Variants in KIF26B observed in about 807,000 individuals in gnomAD.
The protein encoded by KIF26B is kinesin-like protein KIF26B.
Under a neutral mutation model 151.2 loss-of-function variants are expected in KIF26B, and 63 were observed. The observed-to-expected ratio is 0.42, with a 90% CI of 0.34 to 0.51. The LOEUF (loss-of-function observed/expected upper bound fraction) is 0.51, where lower values mean the gene tolerates loss of function less well. KIF26B is among the 20% of genes least tolerant of loss of function. KIF26B has a pLI of 0.07. For missense variants in KIF26B, 2,813 were observed against 2,913.6 expected, an observed-to-expected ratio of 0.97 and a Z score of 0.79; for synonymous variants, 1,357 against 1,262.1, an observed-to-expected ratio of 1.08 and a Z score of -1.59.
In KIF26B at chr1:245,688,891, C is replaced by T. The variant is rs2044581940; in HGVS notation, c.5824+84C>T. 4 of 1,451,350 alleles carry T rather than the reference C, an allele frequency of 2.8e-6. No individual in the cohort carries two copies. The East Asian group carries it at 7.6e-5, about 28-fold the overall frequency. 89.9% of individuals were successfully genotyped at this position (1,451,350 alleles called of 1,614,324 possible). On this transcript the variant is annotated intron_variant, in intron 12 of 14. Coordinates refer to ENST00000407071, the MANE Select transcript of KIF26B (RefSeq NM_018012.4). ...AACCCCACTGCCAGGGTGTCCCGTGCCCTGGGGAGGGGGCGTCCAGGCCTG... is the reference window on the plus strand; with the variant it reads ...AACCCCACTGCCAGGGTGTCCCGTGTCCTGGGGAGGGGGCGTCCAGGCCTG...
chr1:245,675,546 T>C (rs1385485742), intron 10 of KIF26B, among the ~76,000 whole-genome samples: 6 of 152,130 alleles, frequency 3.9e-5, no homozygotes, highest in Non-Finnish European at 1.5e-5. Context: ...AAAGGTCAAA[T>C]TTTTTACTAC....
intron 2 of KIF26B, among the ~76,000 whole-genome samples, chr1:245,163,583 T>C (rs1408734706): frequency 2.0e-5 from 3 of 152,220 alleles, no homozygotes; most frequent in Non-Finnish European, 4.4e-5. Flanking sequence ...CCGTGTTGAA[T>C]GTATACATTA....
chr1:245,226,458 C>CT (rs11438800), intron 2 of KIF26B, among the ~76,000 whole-genome samples: 1,589 of 145,316 alleles, frequency 0.011, 17 homozygotes, highest in African/African-American at 0.036. Context: ...GGGTGCACCT[C>CT]TTTTTTTTTT....
intron 9 of KIF26B, among the ~76,000 whole-genome samples, chr1:245,631,669 G>C (rs1195972077): frequency 1.3e-5 from 2 of 152,148 alleles, no homozygotes; most frequent in Admixed American, 6.5e-5. Flanking sequence ...AGAAGAATTG[G>C]TTTTACTTTA....
intron 3 of KIF26B, among the ~76,000 whole-genome samples, chr1:245,398,967 G>C (rs1275296864): frequency 2.0e-5 from 3 of 152,026 alleles, no homozygotes; most frequent in Non-Finnish European, 4.4e-5. Flanking sequence ...CATATTTCCT[G>C]GGAAATGAGA....
In KIF26B at chr1:245,572,529, C is replaced by T. The variant is rs576765774; in HGVS notation, c.1351-30048C>T. ...GCCATCACTGACCTCAGGACCCTCCCGGTGAACACTCAGTTAAAATTCCTA... is the reference window on the plus strand; with the variant it reads ...GCCATCACTGACCTCAGGACCCTCCTGGTGAACACTCAGTTAAAATTCCTA... On this transcript the variant is annotated intron_variant, in intron 5 of 14. Coordinates refer to ENST00000407071, the MANE Select transcript of KIF26B (RefSeq NM_018012.4). The surrounding 1 kb of genome is among the most constrained non-coding windows in gnomAD (Gnocchi z 4.2). 7.9e-5 allele frequency among the ~76,000 whole-genome samples: 12 copies of T among 152,098 alleles called. No individual in the cohort carries two copies. Among genetic ancestry groups the T allele is most frequent in the African/African-American group, 1.9e-4 (8 of 41,482 alleles).
intron 3 of KIF26B, among the ~76,000 whole-genome samples, chr1:245,376,302 G>A (rs1673271418): frequency 6.6e-6 from 1 of 152,154 alleles, no homozygotes; most frequent in African/African-American, 2.4e-5. Flanking sequence ...CTGGTATCAC[G>A]TTTTATCTGG....
rs746211134 is a variant in KIF26B at position 245,367,334 on chromosome 1, G to A, written c.966G>A (p.Ser322=). ...HQYLDGTWSL[S]RTNGVTLYPY... Reference sequence around the variant, plus strand: ...ACCTGGATGGCACCTGGTCCCTGTCGAGAACCAACGGGGTCACCCTGTACC... The same window carrying A: ...ACCTGGATGGCACCTGGTCCCTGTCAAGAACCAACGGGGTCACCCTGTACC... Residue 322 remains serine (S), a synonymous_variant, in exon 3 of 15, where the codon TCG becomes TCA. Coordinates refer to ENST00000407071, the MANE Select transcript of KIF26B (RefSeq NM_018012.4). This position sits in a 1 kb window ranked among gnomAD's most constrained non-coding sequence, Gnocchi z 4.2. 4 of 1,594,380 alleles carry A rather than the reference G, an allele frequency of 2.5e-6. No homozygotes were observed. Among genetic ancestry groups the A allele is most frequent in the East Asian group, 2.3e-5 (1 of 43,818 alleles).
intron 4 of KIF26B, among the ~76,000 whole-genome samples, chr1:245,429,455 T>G (rs1418780126): frequency 6.6e-6 from 1 of 152,200 alleles, no homozygotes; most frequent in Non-Finnish European, 1.5e-5. Flanking sequence ...CAATTCGCCC[T>G]TAAATCTCAC....
chr1:245,255,857 A>G (rs1670523955), intron 2 of KIF26B, among the ~76,000 whole-genome samples: 1 of 152,196 alleles, frequency 6.6e-6, no homozygotes, highest in South Asian at 2.1e-4. Context: ...CCCAGAGAGT[A>G]GCAATTTCTA....
Position 245,687,918 on chromosome 1 carries a change from G to T in KIF26B, c.4935G>T (p.Thr1645=). 1 of 1,593,842 alleles carries T rather than the reference G, an allele frequency of 6.3e-7. No homozygotes were observed. The highest frequency in any genetic ancestry group is 2.3e-5 in the East Asian group (1 of 43,638). Residue 1645 remains threonine (T), a synonymous_variant, in exon 12 of 15, where the codon ACG becomes ACT. Transcript: ENST00000407071. The surrounding 1 kb of genome is among the most constrained non-coding windows in gnomAD (Gnocchi z 4.9). Reference sequence around the variant, plus strand: ...TCCCAGACGAGCCTAGCGGCAAGACGAAGGACGCCAGCAGCAGCAGCAAGC... The same window carrying T: ...TCCCAGACGAGCCTAGCGGCAAGACTAAGGACGCCAGCAGCAGCAGCAAGC... ...AGLPDEPSGK[T]KDASSSSKLF... is the part of the protein sequence containing the mutation.
intron 2 of KIF26B, among the ~76,000 whole-genome samples, chr1:245,157,030 AC>A (rs1668450443): frequency 8.2e-6 from 1 of 121,316 alleles, no homozygotes; most frequent in African/African-American, 3.2e-5. Flanking sequence ...GTTTCTCCCC[AC>A]CCCCACCTGT....
chr1:245,552,155 G>A (rs946985563), intron 5 of KIF26B, among the ~76,000 whole-genome samples: 2 of 151,408 alleles, frequency 1.3e-5, no homozygotes, highest in African/African-American at 2.4e-5. Context: ...GTGTGTGTGT[G>A]TGTGTGTGTG....
intron 2 of KIF26B, among the ~76,000 whole-genome samples, chr1:245,251,677 G>T (rs1437525890): frequency 1.3e-5 from 2 of 152,094 alleles, no homozygotes; most frequent in Non-Finnish European, 2.9e-5. Flanking sequence ...TTATTGAATG[G>T]TCTATCATAT....
intron 2 of KIF26B, among the ~76,000 whole-genome samples, chr1:245,235,643 GGGTTCAGAATATAGAAAGAGGGAAGGAAA>G (rs1670091829): frequency 6.6e-6 from 1 of 151,694 alleles, no homozygotes; most frequent in Non-Finnish European, 1.5e-5. Flanking sequence ...GAGGAAGGAA[GGGTTCAGAATATAGAAAGAGGGAAGGAAA>G]GGAGGGAGGG....
At chr1:245,317,028 C>T (rs908229703) in intron 2 of KIF26B, among the ~76,000 whole-genome samples, 1 of 152,140 alleles carries the variant, frequency 6.6e-6, no homozygotes, top group African/African-American at 2.4e-5. Context: ...TTCAACATTT[C>T]AGGGTTGATT....
intron 2 of KIF26B, among the ~76,000 whole-genome samples, chr1:245,199,037 C>G (rs1439929713): frequency 8.9e-6 from 1 of 111,802 alleles, no homozygotes; most frequent in Non-Finnish European, 1.9e-5. Flanking sequence ...CTCAGGGCAT[C>G]TAAGTTCACT....
At chr1:245,610,416 A>G (rs1183101055) in intron 8 of KIF26B, among the ~76,000 whole-genome samples, 1 of 152,174 alleles carries the variant, frequency 6.6e-6, no homozygotes, top group Non-Finnish European at 1.5e-5. Context: ...ACCCCCCCAG[A>G]GTTTCCAATT....
intron 4 of KIF26B, among the ~76,000 whole-genome samples, chr1:245,529,000 G>A (rs115754818): frequency 0.034 from 5,163 of 152,260 alleles, 139 homozygotes; most frequent in South Asian, 0.055. Flanking sequence ...GCACCAACTT[G>A]TCAAGTTCTG....
Sources: allele counts gnomAD v4.1 joint callset (sites outside exome capture counted in the v4.1 genomes callset), GRCh38; gene constraint gnomAD v4.1.1; non-coding constraint Gnocchi (gnomAD v3.1); transcripts MANE v1.5; gene names NCBI Gene and HGNC (gene_info 2026-07-23, HGNC 2026-07-21).